The following WNK1 variants were observed in gnomAD, a reference collection of about 807,000 sequenced individuals.
The protein encoded by WNK1 is serine/threonine-protein kinase WNK1.
Under a neutral mutation model 222.8 loss-of-function variants are expected in WNK1, and 38 were observed. That is an observed-to-expected ratio of 0.17 (90% CI 0.13 to 0.22). The LOEUF (loss-of-function observed/expected upper bound fraction) is 0.22. Ranked by LOEUF, WNK1 falls within the 10% of genes least tolerant of loss-of-function variation. WNK1 has a pLI of 1.00. For missense variants in WNK1, 2,348 were observed against 2,918.4 expected (o/e 0.80, Z 4.50); for synonymous variants, 1,090 against 1,092.9 (o/e 1.00, Z 0.05).
In WNK1 at chr12:900,624, C is replaced by G. The variant is rs2154098491; in HGVS notation, c.6597C>G (p.Thr2199=). 3.1e-6 allele frequency: 5 copies of G among 1,614,198 alleles called. No homozygotes were observed. Among genetic ancestry groups the G allele is most frequent in the Non-Finnish European group, 4.2e-6 (5 of 1,180,042 alleles). The change falls in exon 26 of 28, where the codon ACC becomes ACG. Residue 2199 remains threonine (T), a synonymous_variant. Coordinates refer to ENST00000315939, the MANE Select transcript of WNK1 (RefSeq NM_018979.4). ...GTGACAACCTCTATTCAGCCTTCACCAGTGATGGTGCCATTTCAGTACCAA... is the reference window on the plus strand; with the variant it reads ...GTGACAACCTCTATTCAGCCTTCACGAGTGATGGTGCCATTTCAGTACCAA... ...PSSDNLYSAF[T]SDGAISVPSL...
intron 1 of WNK1, among the ~76,000 whole-genome samples, chr12:791,439 T>A (rs1474168861): frequency 6.6e-6 from 1 of 152,132 alleles, no homozygotes; most frequent in Non-Finnish European, 1.5e-5. Context: ...TATGTGAAAA[T>A]TATTTTTTGT....
intron 4 of WNK1, among the ~76,000 whole-genome samples, chr12:843,560 C>T (rs1343987974): frequency 6.6e-6 from 1 of 152,186 alleles, no homozygotes; most frequent in Non-Finnish European, 1.5e-5. Context: ...CTTTTCTGTT[C>T]AGTCTGTTAC....
At chr12:894,191 C>T (rs1954540370) in intron 22 of WNK1, among the ~76,000 whole-genome samples, 1 of 152,242 alleles carries the variant, frequency 6.6e-6, no homozygotes, top group Non-Finnish European at 1.5e-5. Context: ...GCACTCCAGC[C>T]TGGCCAACAG....
In WNK1 at chr12:884,359, A is replaced by T; in HGVS notation, c.3844+116A>T. On this transcript the variant is annotated intron_variant, in intron 18 of 27. Transcript: ENST00000315939. This position sits in a 1 kb window ranked among gnomAD's most constrained non-coding sequence, Gnocchi z 5.6. ...ACACAGATAATAAAAAAGAATAGAA[A>T]ACTGAAGTTATAACCAACAGATAAA... 6.7e-7 allele frequency: 1 copy of T among 1,487,344 alleles called. No individual in the cohort carries two copies. Among genetic ancestry groups the T allele is most frequent in the South Asian group, 1.2e-5 (1 of 85,426 alleles). The allele number at this position is 1,487,344 out of a possible 1,614,324, so 92.1% of individuals were successfully genotyped here.
chr12:864,705 TTAAAC>T (rs1228150397), intron 8 of WNK1, among the ~76,000 whole-genome samples: 7 of 152,230 alleles, frequency 4.6e-5, no homozygotes, highest in African/African-American at 1.4e-4. Context: ...TTAATGTACT[TTAAAC>T]TAATAGAATT....
intron 1 of WNK1, among the ~76,000 whole-genome samples, chr12:777,946 C>CTT (rs1416663179): frequency 3.3e-5 from 5 of 152,144 alleles, no homozygotes; most frequent in African/African-American, 1.2e-4. Flanking sequence ...TAATCCAAAA[C>CTT]TTTGGCAGTG....
Position 883,508 on chromosome 12 carries a change from G to A in WNK1, c.3603G>A (p.Glu1201=), listed in dbSNP as rs1190431084. The change falls in exon 16 of 28, where the codon GAG becomes GAA. Residue 1201 remains glutamate, a synonymous_variant. Transcript: ENST00000315939. ...GTGAGGATGTCAGTGTGGAACCAGA[G>A]GGTGATCAGGGATTGGAGAGTCTAC... is the stretch of plus-strand genomic sequence containing the variant. ...MLSEDVSVEP[E]GDQGLESLQG... 6.2e-7 allele frequency: 1 copy of A among 1,614,150 alleles called. No individual in the cohort carries two copies. The highest frequency in any genetic ancestry group is 2.2e-5 in the East Asian group (1 of 44,878).
chr12:857,330 G>A lies in WNK1; in HGVS notation c.1400+81G>A, dbSNP rs569240447. On this transcript the variant is annotated intron_variant, in intron 5 of 27. Transcript: ENST00000315939. ...GCTTTGAGTACAACACACATTCTAC[G>A]GTGTATTTAATATTTGTGATTGGTT... The A allele has an allele frequency of 5.4e-5, 65 of 1,213,820 alleles. 1 individual carries two copies. The South Asian group carries it at 6.9e-4, about 13-fold the overall frequency. 75.2% of individuals were successfully genotyped at this position (1,213,820 alleles called of 1,614,324 possible).
intron 4 of WNK1, among the ~76,000 whole-genome samples, chr12:839,802 C>T (rs781436200): frequency 2.6e-5 from 4 of 151,948 alleles, no homozygotes; most frequent in African/African-American, 7.3e-5. Flanking sequence ...CTGCAACCTC[C>T]GCCTCCCAGG....
At chr12:791,575 C>A (rs1010484248) in intron 1 of WNK1, among the ~76,000 whole-genome samples, 1 of 146,196 alleles carries the variant, frequency 6.8e-6, no homozygotes, top group African/African-American at 2.5e-5. Flanking sequence ...AAAAAAAAAA[C>A]TACATTTCCT....
rs1439620612 is a variant in WNK1, at chr12:881,078, G to C, written c.3111+79G>C. ...ACAATGATAAAGGAGAAAGAAACAG[G>C]CTCCCCTGGTTTAGAACTTATTTGG... On this transcript the variant is annotated intron_variant, in intron 12 of 27. Transcript: ENST00000315939. 3 of 1,573,484 alleles carry C rather than the reference G, an allele frequency of 1.9e-6. No individual in the cohort carries two copies. In the African/African-American group the frequency reaches 4.1e-5, roughly 21 times the overall value.
intron 1 of WNK1, among the ~76,000 whole-genome samples, chr12:759,629 G>A (rs1405036582): frequency 6.8e-6 from 1 of 147,726 alleles, no homozygotes; most frequent in East Asian, 1.9e-4. Flanking sequence ...ATGCTCAGCC[G>A]TTTTGTTTTG....
At chr12:801,423 TTGTGTGTGTGTGTGTGTGTGTGTGTG>T (rs367875366) in intron 1 of WNK1, among the ~76,000 whole-genome samples, 1 of 143,876 alleles carries the variant, frequency 7.0e-6, no homozygotes, top group African/African-American at 2.6e-5. Flanking sequence ...CTTTTTTTCT[TTGTGTGTGTGTGTGTGTGTGTGTGTG>T]TGTGTGTGTG....
rs2154082689 is a variant in WNK1 at position 882,963 on chromosome 12, A to C, written c.3393A>C (p.Arg1131=). Residue 1131 remains arginine, a synonymous_variant, in exon 15 of 28, where the codon CGA becomes CGC. Coordinates refer to ENST00000315939, the MANE Select transcript of WNK1 (RefSeq NM_018979.4). The part of the protein sequence containing the change: ...RILNVSNKGD[R]VVECQLETHN... ...TTTAGGTTTCAAATAAAGGAGACCG[A>C]GTAGTAGAATGTCAATTAGAGACTC... The C allele has an allele frequency of 5.6e-6, 9 of 1,612,236 alleles. No homozygotes were observed. Among genetic ancestry groups the C allele is most frequent in the Non-Finnish European group, 7.6e-6 (9 of 1,178,312 alleles).
chr12:830,215 C>G, intron 4 of WNK1, 55 bp downstream of exon 4: 1 of 1,585,922 alleles, frequency 6.3e-7, no homozygotes, highest in Non-Finnish European at 8.7e-7. Context: ...CAAAGAATCC[C>G]AAGGTGGATG....
In WNK1 at chr12:889,125, A is replaced by T. The variant is rs1953958131; in HGVS notation, c.5365-15A>T. On this transcript the variant is annotated splice_polypyrimidine_tract_variant and intron_variant, in intron 20 of 27. Transcript: ENST00000315939. ...GTGCCACGGAACTGTATTTACTGTG[A>T]TTGTTTTCATTCAGTCCCAGCAACC... 1 of 1,611,814 alleles carries T rather than the reference A, an allele frequency of 6.2e-7. No individual in the cohort carries two copies. The highest frequency in any genetic ancestry group is 1.7e-4 in the Middle Eastern group (1 of 6,060).
chr12:824,928 TATTC>T (rs1948232680), intron 2 of WNK1, among the ~76,000 whole-genome samples: 1 of 152,242 alleles, frequency 6.6e-6, no homozygotes, highest in Non-Finnish European at 1.5e-5. Flanking sequence ...CCATCCATCT[TATTC>T]ATTCCATAAT....
At chr12:804,565 G>A (rs1946183849) in intron 1 of WNK1, among the ~76,000 whole-genome samples, 1 of 152,088 alleles carries the variant, frequency 6.6e-6, no homozygotes, top group Admixed American at 6.5e-5. Flanking sequence ...TAGAGGTGGG[G>A]TTTCACCATG....
intron 1 of WNK1, among the ~76,000 whole-genome samples, chr12:812,127 C>G (rs1261940269): frequency 6.6e-6 from 1 of 152,048 alleles, no homozygotes; most frequent in Non-Finnish European, 1.5e-5. Context: ...TTACAATAAG[C>G]TTTTACAAAC....
Sources: gnomAD v4.1 joint callset for allele counts (sites outside exome capture counted in the v4.1 genomes callset) on GRCh38, gnomAD v4.1.1 for gene constraint, Gnocchi (gnomAD v3.1) non-coding constraint, MANE v1.5 for transcripts, NCBI Gene and HGNC (gene_info 2026-07-23, HGNC 2026-07-21) for gene names.